DLG2: variants seen among roughly 807,000 people sequenced by gnomAD.
DLG2 encodes discs large MAGUK scaffold protein 2.
DLG2 carries 45 observed loss-of-function variants against 132.5 expected under a neutral mutation model. The ratio of observed to expected loss-of-function variants is 0.34; its 90% CI spans 0.27 to 0.44. DLG2 has a LOEUF of 0.44. Ranked by LOEUF, DLG2 falls within the 20% of genes least tolerant of loss-of-function variation. The pLI is 1.00. For missense variants in DLG2, 1,045 were observed against 1,196.9 expected, an observed-to-expected ratio of 0.87 and a Z score of 1.87; for synonymous variants, 424 against 419.6, an observed-to-expected ratio of 1.01 and a Z score of -0.13.
chr11:85,155,387 A>T (rs1002360366), intron 4 of DLG2, among the ~76,000 whole-genome samples: 5 of 152,210 alleles, frequency 3.3e-5, no homozygotes, highest in Non-Finnish European at 7.3e-5. Context: ...TTAGTTTGCA[A>T]GTAGGATACA....
At chr11:83,639,484 A>G (rs2065806859) in intron 18 of DLG2, among the ~76,000 whole-genome samples, 1 of 152,004 alleles carries the variant, frequency 6.6e-6, no homozygotes, top group South Asian at 2.1e-4. Flanking sequence ...GGAAACCATC[A>G]TTCTCAGCAA....
intron 6 of DLG2, among the ~76,000 whole-genome samples, chr11:84,718,991 T>C (rs777602607): frequency 2.6e-5 from 4 of 152,172 alleles, no homozygotes; most frequent in Non-Finnish European, 5.9e-5. Flanking sequence ...AATATTATCA[T>C]TCAATGACTT....
chr11:84,327,134 T>TTG (rs2098436555), intron 7 of DLG2, among the ~76,000 whole-genome samples: 1 of 147,132 alleles, frequency 6.8e-6, no homozygotes, highest in Non-Finnish European at 1.5e-5. Flanking sequence ...TTTTTTTTTT[T>TTG]GAGATGGAGT....
chr11:84,845,523 C>G (rs948690918), intron 6 of DLG2, among the ~76,000 whole-genome samples: 1 of 151,988 alleles, frequency 6.6e-6, no homozygotes, highest in Non-Finnish European at 1.5e-5. Flanking sequence ...CTACTAACAT[C>G]CAGTGAACAT....
chr11:84,761,383 G>A (rs994414245), intron 6 of DLG2, among the ~76,000 whole-genome samples: 1 of 152,134 alleles, frequency 6.6e-6, no homozygotes, highest in African/African-American at 2.4e-5. Flanking sequence ...CCTAGCAAGT[G>A]TCAACTTTAT....
intron 6 of DLG2, among the ~76,000 whole-genome samples, chr11:84,547,204 T>A: frequency 6.6e-6 from 1 of 152,210 alleles, no homozygotes; most frequent in East Asian, 1.9e-4. Flanking sequence ...ATTGTTTTAC[T>A]GGAACATTAG....
intron 7 of DLG2, among the ~76,000 whole-genome samples, chr11:84,370,795 G>A (rs1480541656): frequency 2.0e-5 from 3 of 152,124 alleles, no homozygotes; most frequent in African/African-American, 7.2e-5. Context: ...AGTATAGGGA[G>A]TAGGTTCCTG....
At chr11:83,787,058 A>G (rs996396012) in intron 17 of DLG2, among the ~76,000 whole-genome samples, 1 of 152,170 alleles carries the variant, frequency 6.6e-6, no homozygotes, top group Non-Finnish European at 1.5e-5. Context: ...TATGCATTTA[A>G]TATGCCTCTG....
intron 3 of DLG2, among the ~76,000 whole-genome samples, chr11:85,474,269 A>T (rs80038506): frequency 0.022 from 3,417 of 152,102 alleles, 121 homozygotes; most frequent in African/African-American, 0.077. Flanking sequence ...CTGAAACTGT[A>T]TTTACTTCAC....
intron 6 of DLG2, among the ~76,000 whole-genome samples, chr11:85,020,347 T>C (rs572264507): frequency 6.6e-6 from 1 of 152,334 alleles, no homozygotes; most frequent in East Asian, 1.9e-4. Context: ...AAGTTCTTTG[T>C]AGATTCTCGA....
chr11:84,335,231 T>A (rs7925877), intron 7 of DLG2, among the ~76,000 whole-genome samples: 18,930 of 112,832 alleles, frequency 0.17, 1,304 homozygotes, highest in Middle Eastern at 0.25. Flanking sequence ...AGGGAAGGAA[T>A]GAAGGAAGGG....
intron 7 of DLG2, among the ~76,000 whole-genome samples, chr11:84,387,483 C>G (rs1333189868): frequency 6.6e-6 from 1 of 151,956 alleles, no homozygotes; most frequent in Non-Finnish European, 1.5e-5. Flanking sequence ...CAACTATGGT[C>G]AGTGTTCAGC....
chr11:83,715,185 A>G (rs975235702), intron 18 of DLG2, among the ~76,000 whole-genome samples: 1 of 152,210 alleles, frequency 6.6e-6, no homozygotes, highest in Non-Finnish European at 1.5e-5. Context: ...AAAAACTCAC[A>G]GGAATCATTG....
rs542755052 is a variant in DLG2 at position 85,465,845 on chromosome 11, G to A, written c.40+132812C>T. Among the ~76,000 whole-genome samples the A allele has an allele frequency of 1.1e-4, 16 of 151,666 alleles. 1 individual carries two copies. The South Asian group carries it at 3.3e-3, about 32-fold the overall frequency. On this transcript the variant is annotated intron_variant, in intron 3 of 27. Transcript: ENST00000376104. ...GAGTAATGGGATGGCTGGGTCAAATGGTATTTCTAGTTCTAGATCCCTGAG... is the reference window on the plus strand; with the variant it reads ...GAGTAATGGGATGGCTGGGTCAAATAGTATTTCTAGTTCTAGATCCCTGAG...
At chr11:85,284,533 A>G (rs1172406050) in intron 4 of DLG2, among the ~76,000 whole-genome samples, 1 of 151,882 alleles carries the variant, frequency 6.6e-6, no homozygotes, top group Non-Finnish European at 1.5e-5. Flanking sequence ...ACTGCCACTT[A>G]AAAGTATCCA....
intron 7 of DLG2, among the ~76,000 whole-genome samples, chr11:84,336,596 C>T (rs2098485721): frequency 6.6e-6 from 1 of 152,160 alleles, no homozygotes; most frequent in African/African-American, 2.4e-5. Context: ...TATGTTTGAC[C>T]CATTTTCTTG....
At chr11:83,965,267 A>G in intron 13 of DLG2, 57 bp downstream of exon 13, 2 of 1,535,244 alleles carry the variant, frequency 1.3e-6, no homozygotes, top group Non-Finnish European at 1.8e-6. Context: ...CAACAGTTTT[A>G]TAGAATTCCA....
intron 7 of DLG2, among the ~76,000 whole-genome samples, chr11:84,299,746 A>G (rs2098131799): frequency 6.6e-6 from 1 of 152,210 alleles, no homozygotes; most frequent in African/African-American, 2.4e-5. Flanking sequence ...TGTAAACTCA[A>G]AAGAATCTCT....
intron 6 of DLG2, among the ~76,000 whole-genome samples, chr11:84,734,646 T>C (rs922000820): frequency 1.7e-4 from 26 of 152,330 alleles, no homozygotes; most frequent in Admixed American, 6.5e-4. Flanking sequence ...TCCTGCCTGA[T>C]TGCCCTGGCC....
Sources: gnomAD v4.1 joint callset for allele counts (sites outside exome capture counted in the v4.1 genomes callset) on GRCh38, gnomAD v4.1.1 for gene constraint, MANE v1.5 for transcripts, NCBI Gene and HGNC (gene_info 2026-07-23, HGNC 2026-07-21) for gene names.